CSMD3: variants seen among roughly 807,000 people sequenced by gnomAD.
The protein encoded by CSMD3 is CUB and sushi domain-containing protein 3.
CSMD3 carries 177 observed loss-of-function variants against 435.2 expected under a neutral mutation model. The ratio of observed to expected loss-of-function variants is 0.41; its 90% CI spans 0.36 to 0.46. The LOEUF (loss-of-function observed/expected upper bound fraction) is 0.46, where lower values mean the gene tolerates loss of function less well. Among genes scored for constraint, CSMD3 ranks in the 20% least tolerant of loss-of-function variants. The pLI is 0.34. For missense variants in CSMD3, 4,265 were observed against 4,504.6 expected, an observed-to-expected ratio of 0.95 and a Z score of 1.52; for synonymous variants, 1,656 against 1,520.5, an observed-to-expected ratio of 1.09 and a Z score of -2.07.
chr8:113,363,284 ACGCG>A (rs1563747055), intron 1 of CSMD3, among the ~76,000 whole-genome samples: 2 of 152,104 alleles, frequency 1.3e-5, no homozygotes, highest in African/African-American at 2.4e-5. Context: ...AATTGCTTAC[ACGCG>A]TGTTTGTATA....
rs1183445846 is a variant in CSMD3, at chr8:112,859,200, T to A, written c.1700A>T (p.Gln567Leu). The change falls in exon 11 of 71, where the codon CAG (glutamine) becomes CTG (leucine). Residue 567 changes from glutamine to leucine, a missense_variant. This residue lies in a region of CSMD3 where 731 missense variants were observed against 755.4 expected (regional missense o/e 0.97). Coordinates refer to ENST00000297405, the MANE Select transcript of CSMD3 (RefSeq NM_198123.2). Reference protein sequence around the residue: ...GTFTSPNFPFQYDSNAQCVWV... With the variant: ...GTFTSPNFPFLYDSNAQCVWV... ...GACACATTGTGCATTGCTGTCATACTGGAACGGAAAGTTGGGAGATGTAAA... is the reference window on the plus strand; with the variant it reads ...GACACATTGTGCATTGCTGTCATACAGGAACGGAAAGTTGGGAGATGTAAA... 1.9e-6 allele frequency: 3 copies of A among 1,611,300 alleles called. No individual in the cohort carries two copies. Among genetic ancestry groups the A allele is most frequent in the Non-Finnish European group, 2.5e-6 (3 of 1,177,834 alleles).
chr8:113,132,808 A>G (rs1291016003), intron 4 of CSMD3, among the ~76,000 whole-genome samples: 1 of 152,136 alleles, frequency 6.6e-6, no homozygotes, highest in Non-Finnish European at 1.5e-5. Context: ...GCTTACATGT[A>G]ATCAGGTTGA....
intron 13 of CSMD3, among the ~76,000 whole-genome samples, chr8:112,691,290 A>G (rs2076131870): frequency 1.3e-5 from 2 of 152,058 alleles, no homozygotes; most frequent in Admixed American, 1.3e-4. Context: ...TTTTTTATCT[A>G]TCAGGGACAT....
intron 22 of CSMD3, among the ~76,000 whole-genome samples, chr8:112,610,468 A>G (rs190392422): frequency 6.6e-6 from 1 of 152,078 alleles, no homozygotes; most frequent in Non-Finnish European, 1.5e-5. Flanking sequence ...CCACTATCAC[A>G]TTTCAAATGG....
chr8:113,318,608 C>G (rs555046444), intron 1 of CSMD3, among the ~76,000 whole-genome samples: 2 of 152,176 alleles, frequency 1.3e-5, no homozygotes, highest in Non-Finnish European at 2.9e-5. Flanking sequence ...ATGGAAATCA[C>G]TGTTTCATTG....
chr8:112,905,948 A>C (rs1203600188), intron 10 of CSMD3, among the ~76,000 whole-genome samples: 1 of 151,410 alleles, frequency 6.6e-6, no homozygotes, highest in Non-Finnish European at 1.5e-5. Flanking sequence ...ATTAGATCAT[A>C]TGGGTGAGTT....
In CSMD3 at chr8:112,263,778, A is replaced by T; in HGVS notation, c.9723T>A (p.Asn3241Lys). Residue 3241 changes from asparagine to lysine, a missense_variant, in exon 61 of 71, where the codon AAT (asparagine) becomes AAA (lysine). By Grantham distance (94) the Asn-to-Lys change is moderately conservative. Coordinates refer to ENST00000297405, the MANE Select transcript of CSMD3 (RefSeq NM_198123.2). Reference protein sequence around the residue: ...VTCPTPPQISNGRLEGTNFDW... With the variant: ...VTCPTPPQISKGRLEGTNFDW... ...CGAAATTTGTTCCTTCCAGCCTTCC[A>T]TTAGAGATCTGGGGAGGAGTTGGGC... The T allele has an allele frequency of 1.2e-6, 2 of 1,613,852 alleles. No homozygotes were observed. The highest frequency in any genetic ancestry group is 1.3e-5 in the African/African-American group (1 of 75,034).
At chr8:113,219,246 A>G (rs11995255) in intron 3 of CSMD3, among the ~76,000 whole-genome samples, 17,214 of 151,390 alleles carry the variant, frequency 0.11, 1,586 homozygotes, top group African/African-American at 0.25. Context: ...AATCAGGAAA[A>G]GGAAACTGAA....
At chr8:112,496,247 G>A (rs1298740235) in intron 30 of CSMD3, among the ~76,000 whole-genome samples, 1 of 152,120 alleles carries the variant, frequency 6.6e-6, no homozygotes, top group Non-Finnish European at 1.5e-5. Context: ...GGAAATATAG[G>A]CGTGAGCTAC....
rs1775242670 is a variant in CSMD3, at chr8:112,314,335, C to T, written c.7549+94G>A. On this transcript the variant is annotated intron_variant, in intron 48 of 70. Coordinates refer to ENST00000297405, the MANE Select transcript of CSMD3 (RefSeq NM_198123.2). ...TCTAAAAATATCTGTAAGATAAACT[C>T]ACATAAGCAGCTGTTTATACTCAAA... The T allele has an allele frequency of 6.4e-6, 6 of 931,322 alleles. No individual in the cohort carries two copies. In the South Asian group the frequency reaches 8.3e-5, roughly 13 times the overall value. 57.7% of individuals were successfully genotyped at this position (931,322 alleles called of 1,614,324 possible).
intron 17 of CSMD3, among the ~76,000 whole-genome samples, chr8:112,658,700 A>G (rs2075310464): frequency 6.6e-6 from 1 of 152,150 alleles, no homozygotes; most frequent in Non-Finnish European, 1.5e-5. Context: ...GCTTTTGCCT[A>G]TAATTCCAGC....
At chr8:113,341,491 C>CATTAGATTTATAAAATT (rs2094118388) in intron 1 of CSMD3, among the ~76,000 whole-genome samples, 1 of 152,090 alleles carries the variant, frequency 6.6e-6, no homozygotes, top group Admixed American at 6.6e-5. Context: ...CTGTACTAGA[C>CATTAGATTTATAAAATT]ATTAGATTTA....
intron 69 of CSMD3, among the ~76,000 whole-genome samples, chr8:112,230,340 T>A (rs760604886): frequency 2.5e-4 from 38 of 152,246 alleles, no homozygotes; most frequent in Non-Finnish European, 4.7e-4. Context: ...ATCTTATTAC[T>A]TTTCATGTAG....
At chr8:112,910,614 T>A (rs1182854375) in intron 10 of CSMD3, among the ~76,000 whole-genome samples, 1 of 151,806 alleles carries the variant, frequency 6.6e-6, no homozygotes, top group African/African-American at 2.4e-5. Flanking sequence ...TTGGCTCAGA[T>A]CTCACCTGTA....
intron 5 of CSMD3, among the ~76,000 whole-genome samples, chr8:113,056,976 A>C (rs528093952): frequency 6.6e-6 from 1 of 152,114 alleles, no homozygotes; most frequent in South Asian, 2.1e-4. Flanking sequence ...TTCTAGTCAC[A>C]CTGACATTTC....
At chr8:113,107,433 C>G (rs2090512380) in intron 4 of CSMD3, among the ~76,000 whole-genome samples, 1 of 152,180 alleles carries the variant, frequency 6.6e-6, no homozygotes, top group Admixed American at 6.5e-5. Flanking sequence ...GCAATTGTCC[C>G]CCAGTTTCCG....
At chr8:112,648,876 C>T (rs1319051036) in intron 19 of CSMD3, among the ~76,000 whole-genome samples, 1 of 152,154 alleles carries the variant, frequency 6.6e-6, no homozygotes, top group Non-Finnish European at 1.5e-5. Context: ...TAGATGAGCA[C>T]ATGACCAAGA....
At chr8:113,347,295 C>T (rs563480989) in intron 1 of CSMD3, among the ~76,000 whole-genome samples, 1 of 152,016 alleles carries the variant, frequency 6.6e-6, no homozygotes, top group African/African-American at 2.4e-5. Context: ...TGTATTGTTA[C>T]CCTACCCATC....
At chr8:113,207,303 A>T (rs562319676) in intron 3 of CSMD3, among the ~76,000 whole-genome samples, 1 of 151,320 alleles carries the variant, frequency 6.6e-6, no homozygotes, top group East Asian at 1.9e-4. Context: ...ACAATTTATT[A>T]AAAAATTATT....
Sources: allele counts gnomAD v4.1 joint callset (sites outside exome capture counted in the v4.1 genomes callset), GRCh38; gene constraint gnomAD v4.1.1; regional missense constraint gnomAD v4.1.1; transcripts MANE v1.5; gene names NCBI Gene and HGNC (gene_info 2026-07-23, HGNC 2026-07-21).